The following CHRNA7 variants were observed in gnomAD, a reference collection of about 807,000 sequenced individuals.
CHRNA7 encodes the protein neuronal acetylcholine receptor subunit alpha-7.
A neutral mutation model predicts 48.0 loss-of-function variants in CHRNA7; 17 were observed. The ratio of observed to expected loss-of-function variants is 0.35; its 90% CI spans 0.24 to 0.53. The LOEUF is 0.53. Ranked by LOEUF, CHRNA7 falls within the 20% of genes least tolerant of loss-of-function variation. CHRNA7 has a pLI of 0.92. For missense variants in CHRNA7, 155 were observed against 577.7 expected (o/e 0.27, Z 7.50); for synonymous variants, 75 against 242.3 (o/e 0.31, Z 6.41).
At chr15:32,089,406 G>A (rs8033518) in intron 2 of CHRNA7, among the ~76,000 whole-genome samples, 12,800 of 152,004 alleles carry the variant, frequency 0.084, 719 homozygotes, top group African/African-American at 0.14. Flanking sequence ...CTCCTCATGA[G>A]GCCATCAAAC....
intron 3 of CHRNA7, 96 bp from the exon 4 acceptor site, chr15:32,111,694 G>A: frequency 1.5e-6 from 1 of 680,492 alleles, no homozygotes; most frequent in Non-Finnish European, 2.6e-6. Flanking sequence ...TAAATGTCTG[G>A]AATTCTCTTT....
At chr15:32,152,348 C>G (rs1409675257) in intron 4 of CHRNA7, among the ~76,000 whole-genome samples, 2 of 152,122 alleles carry the variant, frequency 1.3e-5, no homozygotes, top group Non-Finnish European at 2.9e-5. Context: ...GAGGCTGAGG[C>G]AGGAGAATTG....
intron 2 of CHRNA7, among the ~76,000 whole-genome samples, chr15:32,087,053 G>A (rs946249674): frequency 6.6e-6 from 1 of 152,136 alleles, no homozygotes; most frequent in African/African-American, 2.4e-5. Flanking sequence ...GCCCAAATTA[G>A]GGAGTGGAAA....
At chr15:32,049,653 G>A (rs1216644638) in intron 2 of CHRNA7, among the ~76,000 whole-genome samples, 1 of 152,184 alleles carries the variant, frequency 6.6e-6, no homozygotes, top group Non-Finnish European at 1.5e-5. Flanking sequence ...TACATTTGAA[G>A]TTAATATTGT....
chr15:32,051,630 G>A (rs901280869), intron 2 of CHRNA7, among the ~76,000 whole-genome samples: 8 of 152,110 alleles, frequency 5.3e-5, no homozygotes, highest in African/African-American at 9.7e-5. Context: ...GCCCTGCTTC[G>A]GCTGGTGCAT....
rs186503951 is a variant in CHRNA7, at chr15:32,088,367, T to C, written c.196-12936T>C. The stretch of plus-strand genomic sequence containing the variant: ...TAAGACATCCTGATTGCATCCAGTT[T>C]TTGTGATTATGCATTAGGCTGCTAT... On this transcript the variant is annotated intron_variant, in intron 2 of 9. Transcript: ENST00000306901. 3.0e-4 allele frequency among the ~76,000 whole-genome samples: 46 copies of C among 152,352 alleles called. 1 individual carries two copies. Among genetic ancestry groups the C allele is most frequent in the Admixed American group, 2.9e-3 (44 of 15,306 alleles).
chr15:32,089,527 C>T (rs2050349822), intron 2 of CHRNA7, among the ~76,000 whole-genome samples: 1 of 150,876 alleles, frequency 6.6e-6, no homozygotes, highest in South Asian at 2.1e-4. Context: ...TTCTGTTACA[C>T]TGGTTTTGAT....
chr15:32,131,845 G>A (rs753615681), intron 4 of CHRNA7, among the ~76,000 whole-genome samples: 7 of 152,122 alleles, frequency 4.6e-5, no homozygotes, highest in Non-Finnish European at 8.8e-5. Context: ...TAGCAGAGGA[G>A]GGAGGACACC....
At chr15:32,080,866 C>G (rs995564722) in intron 2 of CHRNA7, among the ~76,000 whole-genome samples, 1 of 152,112 alleles carries the variant, frequency 6.6e-6, no homozygotes, top group African/African-American at 2.4e-5. Flanking sequence ...TAGCACTATT[C>G]ACAATAGCAA....
chr15:32,146,388 T>A (rs1325212301), intron 4 of CHRNA7, among the ~76,000 whole-genome samples: 1 of 152,218 alleles, frequency 6.6e-6, no homozygotes, highest in Non-Finnish European at 1.5e-5. Context: ...CATCACTTTT[T>A]AAAAATATCT....
intron 2 of CHRNA7, among the ~76,000 whole-genome samples, chr15:32,046,990 C>T (rs956082453): frequency 0.012 from 1,838 of 150,686 alleles, 36 homozygotes; most frequent in African/African-American, 0.042. Context: ...AGATATGCGG[C>T]GTTATTTCTG....
chr15:32,148,968 C>T lies in CHRNA7; in HGVS notation c.351-4939C>T, dbSNP rs545374909. ...ACCCCCGCTAAGGACACGTAGCTTG[C>T]GTCCTACATGTTTGAGTTACATTTG... is the stretch of plus-strand genomic sequence containing the variant. On this transcript the variant is annotated intron_variant, in intron 4 of 9. Coordinates refer to ENST00000306901, the MANE Select transcript of CHRNA7 (RefSeq NM_000746.6). Among the ~76,000 whole-genome samples the T allele has an allele frequency of 1.6e-4, 24 of 152,328 alleles. No homozygotes were observed. The South Asian group carries it at 3.3e-3, about 21-fold the overall frequency.
At chr15:32,153,840 A>AC (rs2051687213) in intron 4 of CHRNA7, 67 bp from the exon 5 acceptor site, 4 of 421,668 alleles carry the variant, frequency 9.5e-6, no homozygotes. Context: ...TCAAAGACAG[A>AC]CCCCAGGGCT....
intron 2 of CHRNA7, among the ~76,000 whole-genome samples, chr15:32,057,427 C>G (rs1320098035): frequency 4.6e-5 from 7 of 152,092 alleles, no homozygotes; most frequent in Non-Finnish European, 1.0e-4. Flanking sequence ...AATCAAAAGC[C>G]TTCTACACTG....
chr15:32,056,511 C>T (rs993682978), intron 2 of CHRNA7, among the ~76,000 whole-genome samples: 12 of 152,170 alleles, frequency 7.9e-5, no homozygotes, highest in African/African-American at 2.2e-4. Flanking sequence ...TATGCCTGTG[C>T]CCTAATGGAC....
intron 2 of CHRNA7, among the ~76,000 whole-genome samples, chr15:32,061,288 G>A (rs1233359714): frequency 6.6e-6 from 1 of 152,126 alleles, no homozygotes; most frequent in African/African-American, 2.4e-5. Context: ...AACAGAAGAG[G>A]AGGAAGGAAA....
chr15:32,131,825 G>C (rs568018661), intron 4 of CHRNA7, among the ~76,000 whole-genome samples: 2 of 152,240 alleles, frequency 1.3e-5, no homozygotes, highest in Admixed American at 1.3e-4. Context: ...GACCTCCTCT[G>C]ACACTGTGCT....
intron 4 of CHRNA7, among the ~76,000 whole-genome samples, chr15:32,113,053 G>A (rs2050789629): frequency 6.6e-6 from 1 of 152,136 alleles, no homozygotes; most frequent in Non-Finnish European, 1.5e-5. Flanking sequence ...TGGGTCTTCT[G>A]TTTCTTGGGG....
chr15:32,130,233 C>T (rs1006127588), intron 4 of CHRNA7, among the ~76,000 whole-genome samples: 1 of 151,914 alleles, frequency 6.6e-6, no homozygotes, highest in Non-Finnish European at 1.5e-5. Flanking sequence ...TGCTGATTTT[C>T]TGTCTAGTTG....
Sources: gnomAD v4.1 joint callset for allele counts (sites outside exome capture counted in the v4.1 genomes callset) on GRCh38, gnomAD v4.1.1 for gene constraint, MANE v1.5 for transcripts, NCBI Gene and HGNC (gene_info 2026-07-23, HGNC 2026-07-21) for gene names.